ASTN2: variants seen among roughly 807,000 people sequenced by gnomAD.
The protein encoded by ASTN2 is astrotactin-2.
ASTN2 carries 54 observed loss-of-function variants against 139.8 expected under a neutral mutation model. That is an observed-to-expected ratio of 0.39 (90% CI 0.31 to 0.48). The LOEUF is 0.48. ASTN2 is among the 20% of genes least tolerant of loss of function. ASTN2 has a pLI of 0.95. For synonymous variants in ASTN2, 756 were observed against 719.5 expected (o/e 1.05, Z -0.81); for missense variants, 1,565 against 1,725.1 (o/e 0.91, Z 1.64).
At chr9:117,005,080 A>ATTTTTTTTTTTTTTTTTT (rs35759848) in intron 7 of ASTN2, among the ~76,000 whole-genome samples, 1 of 74,666 alleles carries the variant, frequency 1.3e-5, no homozygotes. Flanking sequence ...CCTGTAGTCG[A>ATTTTTTTTTTTTTTTTTT]TTTTTTTTTT....
chr9:117,413,003 G>A (rs1831211130), intron 1 of ASTN2, among the ~76,000 whole-genome samples: 1 of 152,166 alleles, frequency 6.6e-6, no homozygotes, highest in Non-Finnish European at 1.5e-5. Flanking sequence ...GCCGCCGCGG[G>A]GAGTCCCCGA....
At chr9:116,899,400 C>T (rs188326954) in intron 10 of ASTN2, among the ~76,000 whole-genome samples, 1 of 152,216 alleles carries the variant, frequency 6.6e-6, no homozygotes, top group Non-Finnish European at 1.5e-5. Flanking sequence ...TTCCCATGCC[C>T]ACATCCTATT....
chr9:117,274,757 G>A (rs1418991792), intron 2 of ASTN2, among the ~76,000 whole-genome samples: 1 of 152,194 alleles, frequency 6.6e-6, no homozygotes, highest in African/African-American at 2.4e-5. Context: ...ACTATTTCCA[G>A]GTCATACAAG....
At chr9:116,484,029 C>T (rs1849256941) in intron 20 of ASTN2, among the ~76,000 whole-genome samples, 4 of 152,324 alleles carry the variant, frequency 2.6e-5, no homozygotes, top group Admixed American at 2.0e-4. Context: ...CTCTCCTCTA[C>T]ATCAATCCTC....
intron 10 of ASTN2, among the ~76,000 whole-genome samples, chr9:116,925,942 C>T (rs1225977266): frequency 1.3e-5 from 2 of 151,810 alleles, no homozygotes; most frequent in African/African-American, 2.4e-5. Flanking sequence ...TCAAAAACAT[C>T]CAGTGTTCCT....
At chr9:116,765,862 T>C (rs933534723) in intron 13 of ASTN2, among the ~76,000 whole-genome samples, 11 of 152,176 alleles carry the variant, frequency 7.2e-5, no homozygotes, top group African/African-American at 1.9e-4. Flanking sequence ...CACCAGCATA[T>C]GGAACTTCAG....
At chr9:117,077,923 T>C (rs930032111) in intron 5 of ASTN2, among the ~76,000 whole-genome samples, 16 of 152,230 alleles carry the variant, frequency 1.1e-4, no homozygotes, top group African/African-American at 3.6e-4. Context: ...ATTCATCTAA[T>C]GATGGGGAAC....
chr9:116,893,225 ATTC>A (rs1833806947), intron 10 of ASTN2, among the ~76,000 whole-genome samples: 1 of 151,816 alleles, frequency 6.6e-6, no homozygotes, highest in East Asian at 1.9e-4. Flanking sequence ...ATACCTTCAT[ATTC>A]TTCTTTTTCC....
chr9:117,014,455 A>G (rs1837621440), intron 6 of ASTN2, among the ~76,000 whole-genome samples: 1 of 152,118 alleles, frequency 6.6e-6, no homozygotes, highest in Non-Finnish European at 1.5e-5. Context: ...TGGTTCTCCT[A>G]CAAGGATCTT....
intron 3 of ASTN2, among the ~76,000 whole-genome samples, chr9:117,179,297 A>G (rs1391640260): frequency 6.6e-6 from 1 of 152,116 alleles, no homozygotes; most frequent in African/African-American, 2.4e-5. Flanking sequence ...TGATATGCTG[A>G]TATATACATA....
intron 6 of ASTN2, among the ~76,000 whole-genome samples, chr9:117,030,744 A>G (rs1838222862): frequency 6.6e-6 from 1 of 151,732 alleles, no homozygotes; most frequent in Non-Finnish European, 1.5e-5. Flanking sequence ...GACATTCCTA[A>G]TGAAGAGATT....
intron 19 of ASTN2, among the ~76,000 whole-genome samples, chr9:116,530,263 C>T (rs948181613): frequency 6.7e-6 from 1 of 149,996 alleles, no homozygotes; most frequent in Non-Finnish European, 1.5e-5. Flanking sequence ...AAGACAAATA[C>T]CATACGATCT....
chr9:117,231,532 C>T lies in ASTN2; in HGVS notation c.631-16790G>A, dbSNP rs139934405. Among the ~76,000 whole-genome samples, 452 of 152,112 alleles carry T rather than the reference C, an allele frequency of 3.0e-3. 1 individual carries two copies. The highest frequency in any genetic ancestry group is 0.01 in the African/African-American group (433 of 41,484). ...AATTGTAAAAATAAAACAAAATAATCGATACATTGGTTTGAATTGATTTAA... is the reference window on the plus strand; with the variant it reads ...AATTGTAAAAATAAAACAAAATAATTGATACATTGGTTTGAATTGATTTAA... On this transcript the variant is annotated intron_variant, in intron 2 of 22. Coordinates refer to ENST00000313400, the MANE Select transcript of ASTN2 (RefSeq NM_001365068.1).
intron 17 of ASTN2, among the ~76,000 whole-genome samples, chr9:116,646,579 C>T (rs1162850850): frequency 1.3e-5 from 2 of 152,106 alleles, no homozygotes; most frequent in Non-Finnish European, 2.9e-5. Flanking sequence ...TGCAGTGGGT[C>T]TATCCCACTC....
chr9:116,504,452 A>C (rs1850020265), intron 19 of ASTN2: 1 of 152,182 alleles, frequency 6.6e-6, no homozygotes, highest in African/African-American at 2.4e-5. Context: ...ATTTTACTTA[A>C]AGGACATTGA....
intron 3 of ASTN2, among the ~76,000 whole-genome samples, chr9:117,196,489 C>A (rs1831506078): frequency 6.6e-6 from 1 of 152,166 alleles, no homozygotes; most frequent in African/African-American, 2.4e-5. Flanking sequence ...ATTCAGATTT[C>A]TTGGACTGGG....
chr9:116,697,306 T>G (rs1431715445), intron 16 of ASTN2: 1 of 210,972 alleles, frequency 4.7e-6, no homozygotes, highest in Admixed American at 5.2e-5. Context: ...CACATCATAT[T>G]TATCTTGTTA....
chr9:116,720,785 T>G (rs1324102137), intron 16 of ASTN2, among the ~76,000 whole-genome samples: 1 of 152,224 alleles, frequency 6.6e-6, no homozygotes, highest in African/African-American at 2.4e-5. Flanking sequence ...AAGTAGAGAA[T>G]GACAGGGGAT....
chr9:116,604,905 T>C (rs7860925), intron 19 of ASTN2, among the ~76,000 whole-genome samples: 66,837 of 151,862 alleles, frequency 0.44, 15,510 homozygotes, highest in East Asian at 0.7. Context: ...TGAGAGTGGA[T>C]ACAGATGGCC....
Sources: allele counts gnomAD v4.1 joint callset (sites outside exome capture counted in the v4.1 genomes callset), GRCh38; gene constraint gnomAD v4.1.1; transcripts MANE v1.5; gene names NCBI Gene and HGNC (gene_info 2026-07-23, HGNC 2026-07-21).